Variants in HMCN1 observed in about 807,000 individuals in gnomAD.
The protein encoded by HMCN1 is hemicentin 1.
A neutral mutation model predicts 625.9 loss-of-function variants in HMCN1; 321 were observed. The observed-to-expected ratio is 0.51, with a 90% CI of 0.47 to 0.56. The LOEUF (loss-of-function observed/expected upper bound fraction) is 0.56, where lower values mean the gene tolerates loss of function less well. Ranked by LOEUF, HMCN1 falls within the 20% of genes least tolerant of loss-of-function variation. The pLI is 0.00. For synonymous variants in HMCN1, 2,425 were observed against 2,417.6 expected, an observed-to-expected ratio of 1.00 and a Z score of -0.09; for missense variants, 6,588 against 6,887.3, an observed-to-expected ratio of 0.96 and a Z score of 1.54.
intron 11 of HMCN1, among the ~76,000 whole-genome samples, chr1:185,948,259 T>C (rs1376435742): frequency 6.6e-6 from 1 of 152,178 alleles, no homozygotes. Context: ...TTGGACATTT[T>C]CAGGAATATA....
At chr1:185,987,611 A>G (rs958768606) in intron 20 of HMCN1, 67 bp downstream of exon 20, 37 of 1,062,622 alleles carry the variant, frequency 3.5e-5, no homozygotes, top group Non-Finnish European at 4.9e-5. Context: ...AGTTATCCCT[A>G]GTCTTGAGCA....
chr1:186,145,404 C>A lies in HMCN1; in HGVS notation c.14268C>A (p.Thr4756=). 6.4e-7 allele frequency: 1 copy of A among 1,571,044 alleles called. No individual in the cohort carries two copies. Among genetic ancestry groups the A allele is most frequent in the East Asian group, 2.2e-5 (1 of 44,458 alleles). The change falls in exon 92 of 107, where the codon ACC becomes ACA. Residue 4756 remains threonine, a splice_region_variant and synonymous_variant. Transcript: ENST00000271588. The part of the protein sequence containing the change: ...SDFCNSDPCP[T]HGNWSPWSGW... Reference sequence around the variant, plus strand: ...ATCTCAGATTATTCTGTCTTGTAGCCCATGGTAACTGGAGTCCTTGGAGTG... The same window carrying A: ...ATCTCAGATTATTCTGTCTTGTAGCACATGGTAACTGGAGTCCTTGGAGTG...
chr1:186,087,420 C>T, intron 59 of HMCN1, 23 bp from the exon 60 acceptor site: 2 of 1,607,784 alleles, frequency 1.2e-6, no homozygotes, highest in Non-Finnish European at 1.7e-6. Context: ...AAAGAAAATC[C>T]TTCTGTTATT....
At chr1:185,938,923 A>G (rs2102506923) in intron 11 of HMCN1, among the ~76,000 whole-genome samples, 1 of 152,348 alleles carries the variant, frequency 6.6e-6, no homozygotes, top group Middle Eastern at 3.4e-3. Context: ...GTTTTGAAAA[A>G]AAAGGAATCC....
At chr1:185,796,931 A>G (rs1658427714) in intron 1 of HMCN1, among the ~76,000 whole-genome samples, 2 of 152,190 alleles carry the variant, frequency 1.3e-5, no homozygotes, top group Non-Finnish European at 2.9e-5. Flanking sequence ...ACTCTTTTCC[A>G]TAGAGGTTGT....
rs907361802 is a variant in HMCN1, at chr1:186,128,073, T to A, written c.12691-5T>A. ...AATTTTAAATGTTACTTTTTTTAAT[T>A]TTAGCTGGAGGATTCTGGCTTCTAT... On this transcript the variant is annotated splice_region_variant and splice_polypyrimidine_tract_variant and intron_variant, in intron 82 of 106. Transcript: ENST00000271588. 11 of 1,612,530 alleles carry A rather than the reference T, an allele frequency of 6.8e-6. No homozygotes were observed. The highest frequency in any genetic ancestry group is 9.3e-6 in the Non-Finnish European group (11 of 1,178,918).
intron 103 of HMCN1, chr1:186,176,763 GGAAACAT>G (rs1323160138): frequency 1.3e-5 from 2 of 151,464 alleles, no homozygotes; most frequent in Non-Finnish European, 2.9e-5. Context: ...AGAAACATAA[GGAAACAT>G]AAAACATAAA....
At chr1:185,823,082 C>G (rs1660292050) in intron 1 of HMCN1, among the ~76,000 whole-genome samples, 1 of 151,974 alleles carries the variant, frequency 6.6e-6, no homozygotes, top group African/African-American at 2.4e-5. Context: ...TTTTTTCAGA[C>G]ATTATATCAT....
In HMCN1 at chr1:185,989,592, C is replaced by T. The variant is rs754008118; in HGVS notation, c.3153C>T (p.Cys1051=). 2.6e-5 allele frequency: 42 copies of T among 1,613,810 alleles called. No homozygotes were observed. The highest frequency in any genetic ancestry group is 1.7e-4 in the Middle Eastern group (1 of 6,058). Residue 1051 remains cysteine, a synonymous_variant, in exon 21 of 107, where the codon TGC becomes TGT. Transcript: ENST00000271588. ...GAGAGGAGAGTGGGGAGTATGTCTG[C>T]ACTGCCACCAATACAGCCGGCTACG... ...PGGEESGEYV[C]TATNTAGYAK...
intron 71 of HMCN1, among the ~76,000 whole-genome samples, chr1:186,109,063 A>T (rs1363275529): frequency 6.6e-6 from 1 of 152,224 alleles, no homozygotes; most frequent in East Asian, 1.9e-4. Context: ...AGAACCAGTT[A>T]CTGGCTGTAT....
intron 63 of HMCN1, among the ~76,000 whole-genome samples, chr1:186,089,586 C>T (rs572156437): frequency 6.6e-6 from 1 of 152,012 alleles, no homozygotes; most frequent in South Asian, 2.1e-4. Flanking sequence ...AGAGATTCAA[C>T]GTCAGAAGTT....
Position 186,070,615 on chromosome 1 carries a change from C to T in HMCN1, c.7997C>T (p.Pro2666Leu). ...IKHYEVKVYI[P>L]PIINKGDLWG... ...CTTTAATATTTATTTTATGCAGTTC[C>T]ACCCATAATCAATAAAGGGGACCTT... The change falls in exon 52 of 107, where the codon CCA (proline) becomes CTA (leucine). Residue 2666 changes from proline to leucine, a missense_variant. Pro to Leu is a moderately conservative substitution (Grantham distance 98). Around this residue, in one of 3 missense-constraint regions of HMCN1, gnomAD observed 4,628 missense variants for 4,853.1 expected, o/e 0.95. Transcript: ENST00000271588. 6.2e-7 allele frequency: 1 copy of T among 1,611,418 alleles called. No homozygotes were observed. Among genetic ancestry groups the T allele is most frequent in the Non-Finnish European group, 8.5e-7 (1 of 1,177,654 alleles).
chr1:186,144,548 C>T lies in HMCN1; in HGVS notation c.14111C>T (p.Ala4704Val), dbSNP rs41317503. The T allele has an allele frequency of 5.2e-4, 840 of 1,613,940 alleles. 4 individuals carry two copies. The highest frequency in any genetic ancestry group is 2.5e-3 in the South Asian group (232 of 91,076). Residue 4704 changes from alanine (A) to valine (V), a missense_variant, in exon 91 of 107, where the codon GCG becomes GTG. Physicochemically the swap from Ala to Val is moderately conservative, Grantham distance 64 (BLOSUM62 0). Transcript: ENST00000271588. ...CTTATTCCAGTTCATGGCAAGTGGGCGACTTGGGCCAGTTGGAGTGCCTGT... is the reference window on the plus strand; with the variant it reads ...CTTATTCCAGTTCATGGCAAGTGGGTGACTTGGGCCAGTTGGAGTGCCTGT... ...ERNCPIHGKW[A>V]TWASWSACSV... is the part of the protein sequence containing the mutation.
chr1:186,069,868 T>C (rs1658378154), intron 51 of HMCN1, 92 bp downstream of exon 51: 3 of 810,010 alleles, frequency 3.7e-6, no homozygotes, highest in Non-Finnish European at 6.3e-6. Flanking sequence ...TAATTATTTA[T>C]ACTCACCATT....
intron 1 of HMCN1, among the ~76,000 whole-genome samples, chr1:185,817,475 G>A (rs1355481141): frequency 6.6e-6 from 1 of 152,124 alleles, no homozygotes; most frequent in African/African-American, 2.4e-5. Flanking sequence ...TGGAAAAAAG[G>A]CAGAAGAGAA....
chr1:185,956,113 T>A (rs1649609011), intron 11 of HMCN1, among the ~76,000 whole-genome samples: 2 of 152,172 alleles, frequency 1.3e-5, no homozygotes, highest in Non-Finnish European at 2.9e-5. Context: ...AGATACTTAT[T>A]GTCTATTAGA....
At chr1:185,982,833 T>G (rs1160071735) in intron 18 of HMCN1, among the ~76,000 whole-genome samples, 2 of 152,188 alleles carry the variant, frequency 1.3e-5, no homozygotes, top group South Asian at 4.1e-4. Flanking sequence ...TTTATAAGTA[T>G]ATCAAAGCTT....
chr1:185,803,205 C>CAAAAAAAAAAAAAAAAAAAAAAAAAAGAA, intron 1 of HMCN1, among the ~76,000 whole-genome samples: 1 of 58,758 alleles, frequency 1.7e-5, no homozygotes, highest in Non-Finnish European at 4.2e-5. Context: ...AAAAAAAAAG[C>CAAAAAAAAAAAAAAAAAAAAAAAAAAGAA]AAAAAAAAAA....
At chr1:185,922,334 A>G in intron 6 of HMCN1, 45 bp from the exon 7 acceptor site, 1 of 1,610,894 alleles carries the variant, frequency 6.2e-7, no homozygotes, top group Non-Finnish European at 8.5e-7. Context: ...TATGACCAGC[A>G]TACTGGATCA....
Sources: allele counts gnomAD v4.1 joint callset (sites outside exome capture counted in the v4.1 genomes callset), GRCh38; gene constraint gnomAD v4.1.1; regional missense constraint gnomAD v4.1.1; transcripts MANE v1.5; gene names NCBI Gene and HGNC (gene_info 2026-07-23, HGNC 2026-07-21).